ERC1: variants seen among roughly 807,000 people sequenced by gnomAD.
ERC1 encodes RAB6 interacting protein 2.
A neutral mutation model predicts 132.0 loss-of-function variants in ERC1; 56 were observed. That is an observed-to-expected ratio of 0.42 (90% CI 0.34 to 0.53). The LOEUF (loss-of-function observed/expected upper bound fraction) is 0.53, where lower values mean the gene tolerates loss of function less well. Among genes scored for constraint, ERC1 ranks in the 20% least tolerant of loss-of-function variants. The pLI, the probability that ERC1 is intolerant of heterozygous loss-of-function variation, is 0.03. For synonymous variants in ERC1, 478 were observed against 476.1 expected (o/e 1.00, Z -0.05); for missense variants, 1,202 against 1,349.9 (o/e 0.89, Z 1.72).
intron 15 of ERC1, among the ~76,000 whole-genome samples, chr12:1,342,572 A>G (rs1317237305): frequency 1.3e-5 from 2 of 152,158 alleles, no homozygotes; most frequent in African/African-American, 2.4e-5. Flanking sequence ...CCTAGACTCA[A>G]TCTGAGAGGA....
In ERC1 at chr12:1,180,584, G is replaced by A. The variant is rs1362652826; in HGVS notation, c.1782G>A (p.Met594Ile). Residue 594 changes from methionine (M) to isoleucine (I), a missense_variant, in exon 9 of 19, where the codon ATG (methionine) becomes ATA (isoleucine). Physicochemically the swap from Met to Ile is conservative, Grantham distance 10. Coordinates refer to ENST00000360905, the MANE Select transcript of ERC1 (RefSeq NM_178040.4). ...QEQLRDKEKQ[M>I]SSLKERVKSL... ...AGCTTAGAGACAAGGAAAAGCAGAT[G>A]AGCAGCTTGAAAGAACGGGTCAAAT... 6.2e-7 allele frequency: 1 copy of A among 1,614,046 alleles called. No individual in the cohort carries two copies. The highest frequency in any genetic ancestry group is 8.5e-7 in the Non-Finnish European group (1 of 1,179,992).
chr12:1,042,555 C>T (rs1195877995), intron 2 of ERC1, among the ~76,000 whole-genome samples: 2 of 151,064 alleles, frequency 1.3e-5, no homozygotes, highest in Non-Finnish European at 3.0e-5. Flanking sequence ...TATGCCAGGT[C>T]TCAAACTCCT....
At chr12:1,240,445 A>G (rs2075717664) in intron 13 of ERC1, among the ~76,000 whole-genome samples, 2 of 152,242 alleles carry the variant, frequency 1.3e-5, no homozygotes, top group Non-Finnish European at 2.9e-5. Context: ...AATGAGTCTT[A>G]AGACAGATAA....
chr12:1,037,812 A>C (rs61918698), intron 2 of ERC1, among the ~76,000 whole-genome samples: 26,906 of 151,976 alleles, frequency 0.18, 2,479 homozygotes, highest in Non-Finnish European at 0.2. Context: ...TGGGAGGCCG[A>C]GGCGGGCAGA....
chr12:1,210,536 G>A (rs911135026), intron 12 of ERC1, among the ~76,000 whole-genome samples: 20 of 152,178 alleles, frequency 1.3e-4, no homozygotes, highest in Admixed American at 1.2e-3. Context: ...TCTTTAAGGT[G>A]TAGTGTAATG....
At chr12:1,021,814 G>A (rs1966425311) in intron 1 of ERC1, among the ~76,000 whole-genome samples, 1 of 152,134 alleles carries the variant, frequency 6.6e-6, no homozygotes, top group Non-Finnish European at 1.5e-5. Flanking sequence ...TATGGGACTT[G>A]GGGATAACAG....
chr12:1,309,388 G>A (rs903017486), intron 15 of ERC1, among the ~76,000 whole-genome samples: 10 of 152,162 alleles, frequency 6.6e-5, no homozygotes, highest in Non-Finnish European at 1.2e-4. Flanking sequence ...GGGAACTGTG[G>A]TAGTATTGTA....
At position 1,494,161 on chromosome 12, in the gene ERC1, T is replaced by C. The variant is rs1405271485; in HGVS notation, c.*3931T>C. Reference sequence around the variant, plus strand: ...GCCCAGCGGACCCTGTGTCAGCAAATACCAGTAATTTAACATCTGCTCCTG... The same window carrying C: ...GCCCAGCGGACCCTGTGTCAGCAAACACCAGTAATTTAACATCTGCTCCTG... On this transcript the variant is annotated 3_prime_UTR_variant, in exon 19 of 19. Transcript: ENST00000360905. 1 of 231,804 alleles carries C rather than the reference T, an allele frequency of 4.3e-6. No homozygotes were observed. The highest frequency in any genetic ancestry group is 8.5e-6 in the Non-Finnish European group (1 of 117,322). 14.4% of individuals were successfully genotyped at this position (231,804 alleles called of 1,614,324 possible). A position where few individuals can be genotyped will look rare whatever the true frequency, so the allele number is the denominator to read the frequency against.
intron 13 of ERC1, among the ~76,000 whole-genome samples, chr12:1,255,219 G>T (rs878880682): frequency 1.3e-5 from 2 of 151,944 alleles, no homozygotes; most frequent in African/African-American, 4.8e-5. Flanking sequence ...TCTTGTGTTA[G>T]TTTGCTGAGA....
rs374201728 is a variant in ERC1, at chr12:1,447,544, CA to C, written c.3213+2807del. 4.0e-3 allele frequency among the ~76,000 whole-genome samples: 513 copies of C among 129,414 alleles called. 7 individuals are homozygous for C. Among genetic ancestry groups the C allele is most frequent in the South Asian group, 0.031 (128 of 4,094 alleles). 84.9% of individuals were successfully genotyped at this position (129,414 alleles called of 152,430 possible). A position where few individuals can be genotyped will look rare whatever the true frequency, so the allele number is the denominator to read the frequency against. On this transcript the variant is annotated intron_variant, in intron 18 of 18. Coordinates refer to ENST00000360905, the MANE Select transcript of ERC1 (RefSeq NM_178040.4). ...AACAAACAAACAGCAACAACAACAA[CA>C]AAAAAAAAAAAACCCAGTGCTTATT...
chr12:1,454,442 T>C (rs980402436), intron 18 of ERC1, among the ~76,000 whole-genome samples: 1 of 152,120 alleles, frequency 6.6e-6, no homozygotes, highest in African/African-American at 2.4e-5. Context: ...GAAGCACAGG[T>C]CACAACCTGT....
intron 12 of ERC1, among the ~76,000 whole-genome samples, chr12:1,231,558 T>C (rs2154300108): frequency 1.3e-5 from 2 of 152,332 alleles, no homozygotes; most frequent in South Asian, 4.1e-4. Context: ...TGTCCTTTAG[T>C]TTCAACTCAG....
intron 7 of ERC1, among the ~76,000 whole-genome samples, chr12:1,119,013 A>G: frequency 6.6e-6 from 1 of 152,158 alleles, no homozygotes; most frequent in East Asian, 1.9e-4. Flanking sequence ...AGTAGCCAAG[A>G]CTTATAGGCA....
intron 12 of ERC1, among the ~76,000 whole-genome samples, chr12:1,211,545 T>G (rs1957873804): frequency 6.6e-6 from 1 of 152,024 alleles, no homozygotes; most frequent in Non-Finnish European, 1.5e-5. Context: ...TGATATAACT[T>G]GGATATAATC....
At chr12:1,132,129 A>T (rs1948824736) in intron 7 of ERC1, among the ~76,000 whole-genome samples, 1 of 152,208 alleles carries the variant, frequency 6.6e-6, no homozygotes. Flanking sequence ...TCAGTGTAGA[A>T]TTCAGAGCAA....
At chr12:1,053,676 C>T (rs956407240) in intron 2 of ERC1, among the ~76,000 whole-genome samples, 2 of 152,134 alleles carry the variant, frequency 1.3e-5, no homozygotes, top group South Asian at 2.1e-4. Context: ...TTGCTTCCTT[C>T]TTGGACTATT....
intron 15 of ERC1, among the ~76,000 whole-genome samples, chr12:1,328,642 CT>C (rs1472974308): frequency 6.6e-6 from 1 of 151,196 alleles, no homozygotes; most frequent in African/African-American, 2.4e-5. Flanking sequence ...CCCCTCTTGC[CT>C]TTTTCCTTTC....
chr12:1,072,573 G>A (rs932028185), intron 2 of ERC1, among the ~76,000 whole-genome samples: 3 of 143,580 alleles, frequency 2.1e-5, no homozygotes, highest in Non-Finnish European at 3.1e-5. Flanking sequence ...TTAAGGGTTT[G>A]TGTACAAATG....
chr12:1,413,522 G>A (rs371158211), intron 17 of ERC1, among the ~76,000 whole-genome samples: 2 of 151,966 alleles, frequency 1.3e-5, no homozygotes, highest in African/African-American at 4.8e-5. Flanking sequence ...TGAACCTGGG[G>A]GGCAGAGGTT....
Sources: gnomAD v4.1 joint callset for allele counts (sites outside exome capture counted in the v4.1 genomes callset) on GRCh38, gnomAD v4.1.1 for gene constraint, MANE v1.5 for transcripts, NCBI Gene and HGNC (gene_info 2026-07-23, HGNC 2026-07-21) for gene names.